Variants in APBA1 observed in about 807,000 individuals in gnomAD.
APBA1 encodes amyloid-beta A4 precursor protein-binding family A member 1.
A neutral mutation model predicts 86.6 loss-of-function variants in APBA1; 55 were observed. That is an observed-to-expected ratio of 0.64 (90% CI 0.51 to 0.80). The LOEUF (loss-of-function observed/expected upper bound fraction) is 0.80, where lower values mean the gene tolerates loss of function less well. Among genes scored for constraint, APBA1 ranks in the 30% least tolerant of loss-of-function variants. The pLI is 0.00. For synonymous variants in APBA1, 511 were observed against 493.9 expected (o/e 1.03, Z -0.46); for missense variants, 1,090 against 1,183.0 (o/e 0.92, Z 1.15).
At chr9:69,661,671 T>TG (rs922578227) in intron 1 of APBA1, among the ~76,000 whole-genome samples, 2 of 152,054 alleles carry the variant, frequency 1.3e-5, no homozygotes, top group African/African-American at 4.8e-5. Context: ...GCATGGGTCA[T>TG]GGGGGGTGAA....
At chr9:69,525,534 A>G (rs1357571686) in intron 1 of APBA1, among the ~76,000 whole-genome samples, 1 of 150,730 alleles carries the variant, frequency 6.6e-6, no homozygotes, top group African/African-American at 2.4e-5. Context: ...AGCAAAGAGA[A>G]TAACAATCTC....
intron 2 of APBA1, among the ~76,000 whole-genome samples, chr9:69,490,218 G>A (rs920981894): frequency 1.1e-4 from 16 of 151,738 alleles, no homozygotes; most frequent in East Asian, 5.8e-4. Context: ...GTAAACTATC[G>A]CAAGGACAAA....
chr9:69,651,015 T>C (rs1823487430), intron 1 of APBA1, among the ~76,000 whole-genome samples: 1 of 152,228 alleles, frequency 6.6e-6, no homozygotes, highest in African/African-American at 2.4e-5. Context: ...ATAACCTAGA[T>C]TTCTATCAAT....
intron 1 of APBA1, among the ~76,000 whole-genome samples, chr9:69,595,622 T>G (rs369972431): frequency 8.8e-4 from 134 of 152,344 alleles, no homozygotes; most frequent in African/African-American, 3.0e-3. Context: ...TATTTTTTAT[T>G]TGTGGGTTCA....
At chr9:69,547,574 G>C (rs1836717830) in intron 1 of APBA1, among the ~76,000 whole-genome samples, 2 of 152,212 alleles carry the variant, frequency 1.3e-5, no homozygotes, top group Non-Finnish European at 2.9e-5. Context: ...TCTTAGTAAT[G>C]AAGAAAGGAA....
intron 1 of APBA1, among the ~76,000 whole-genome samples, chr9:69,584,109 G>C (rs1257774398): frequency 2.6e-5 from 4 of 152,110 alleles, no homozygotes; most frequent in Non-Finnish European, 5.9e-5. Flanking sequence ...TCATGTCCCT[G>C]GCTCCAGCTT....
chr9:69,472,295 G>T (rs1473403593), intron 3 of APBA1, among the ~76,000 whole-genome samples: 1 of 152,176 alleles, frequency 6.6e-6, no homozygotes, highest in Non-Finnish European at 1.5e-5. Flanking sequence ...GCACCTCAGA[G>T]CAAAGGTCAG....
At chr9:69,492,492 G>T (rs1835730185) in intron 2 of APBA1, among the ~76,000 whole-genome samples, 1 of 151,960 alleles carries the variant, frequency 6.6e-6, no homozygotes, top group South Asian at 2.1e-4. Context: ...AAGCAAAAAG[G>T]CTCTATAAAA....
At chr9:69,527,652 T>A (rs1289276190) in intron 1 of APBA1, among the ~76,000 whole-genome samples, 1 of 152,102 alleles carries the variant, frequency 6.6e-6, no homozygotes, top group Non-Finnish European at 1.5e-5. Flanking sequence ...GTGATACAAT[T>A]GATTTTTTTA....
intron 5 of APBA1, among the ~76,000 whole-genome samples, chr9:69,467,013 G>C (rs962691456): frequency 3.3e-5 from 5 of 152,204 alleles, no homozygotes; most frequent in Non-Finnish European, 7.3e-5. Context: ...AGGCTGCCCA[G>C]TGGTTCCAGG....
At chr9:69,525,282 G>T (rs1836324099) in intron 1 of APBA1, among the ~76,000 whole-genome samples, 1 of 152,088 alleles carries the variant, frequency 6.6e-6, no homozygotes, top group South Asian at 2.1e-4. Flanking sequence ...GAAAGAAGAA[G>T]TCAAAACTCT....
At chr9:69,484,241 C>G (rs1588311938) in intron 2 of APBA1, among the ~76,000 whole-genome samples, 2 of 152,138 alleles carry the variant, frequency 1.3e-5, no homozygotes, top group East Asian at 1.9e-4. Context: ...ATTATGGGGA[C>G]CTGATGATCT....
intron 11 of APBA1, among the ~76,000 whole-genome samples, chr9:69,436,553 A>C (rs1164714312): frequency 2.3e-5 from 3 of 129,892 alleles, no homozygotes; most frequent in Non-Finnish European, 4.9e-5. Flanking sequence ...TGTGAATGGG[A>C]GTTCACTCAT....
intron 1 of APBA1, among the ~76,000 whole-genome samples, chr9:69,645,793 G>A (rs2134011710): frequency 6.6e-6 from 1 of 152,310 alleles, no homozygotes; most frequent in East Asian, 1.9e-4. Flanking sequence ...GAGCTCCCTA[G>A]AGGTGGCACT....
chr9:69,652,615 C>T (rs958850126), intron 1 of APBA1, among the ~76,000 whole-genome samples: 1 of 152,160 alleles, frequency 6.6e-6, no homozygotes, highest in Non-Finnish European at 1.5e-5. Context: ...AGTAGTAAAT[C>T]CTTATCTGTC....
chr9:69,594,806 T>A (rs1822198240), intron 1 of APBA1, among the ~76,000 whole-genome samples: 1 of 152,110 alleles, frequency 6.6e-6, no homozygotes, highest in African/African-American at 2.4e-5. Context: ...TACAACACTT[T>A]CTGGTGAAGA....
intron 1 of APBA1, among the ~76,000 whole-genome samples, chr9:69,667,319 T>C (rs7036465): frequency 1.7e-3 from 253 of 152,250 alleles, no homozygotes; most frequent in African/African-American, 5.8e-3. Flanking sequence ...TTATATAGCG[T>C]TAATTGGTTT....
At chr9:69,556,822 A>T (rs1271348664) in intron 1 of APBA1, among the ~76,000 whole-genome samples, 1 of 152,196 alleles carries the variant, frequency 6.6e-6, no homozygotes, top group Non-Finnish European at 1.5e-5. Context: ...GGAAATTAGC[A>T]AACATTCAGC....
chr9:69,515,963 C>T, intron 2 of APBA1, 48 bp downstream of exon 2: 1 of 1,465,754 alleles, frequency 6.8e-7, no homozygotes, highest in South Asian at 1.4e-5. Flanking sequence ...GCGCCATCTT[C>T]CCTCCCACCG....
Sources: gnomAD v4.1 joint callset for allele counts (sites outside exome capture counted in the v4.1 genomes callset) on GRCh38, gnomAD v4.1.1 for gene constraint, MANE v1.5 for transcripts, NCBI Gene and HGNC (gene_info 2026-07-23, HGNC 2026-07-21) for gene names.